SAMD13: variants seen among roughly 807,000 people sequenced by gnomAD.
The protein encoded by SAMD13 is sterile alpha motif domain containing 13.
Under a neutral mutation model 12.4 loss-of-function variants are expected in SAMD13, and 9 were observed. That is an observed-to-expected ratio of 0.72 (90% confidence interval 0.44 to 1.26). The LOEUF (loss-of-function observed/expected upper bound fraction) is 1.26. Among genes scored for constraint, SAMD13 ranks in the 50% most tolerant of loss-of-function variants. SAMD13 has a pLI of 0.00. For missense variants in SAMD13, 84 were observed against 119.6 expected (o/e 0.70, Z 1.39); for synonymous variants, 46 against 45.4 (o/e 1.01, Z -0.05).
chr1:84,339,986 C>A (rs2101817183), intron 3 of SAMD13, among the ~76,000 whole-genome samples: 1 of 152,258 alleles, frequency 6.6e-6, no homozygotes, highest in African/African-American at 2.4e-5. Context: ...TTGTACATTG[C>A]TGGTAGAACT....
At position 84,349,816 on chromosome 1, in the gene SAMD13, G is replaced by A; in HGVS notation, c.*42G>A. Reference sequence around the variant, plus strand: ...TCTTCGACCTCAAAAAATACATAATGACATAATTTAGTTTCATGTAATGAA... The same window carrying A: ...TCTTCGACCTCAAAAAATACATAATAACATAATTTAGTTTCATGTAATGAA... On this transcript the variant is annotated 3_prime_UTR_variant, in exon 4 of 4. Transcript: ENST00000394834. 1.3e-6 allele frequency: 2 copies of A among 1,576,742 alleles called. No homozygotes were observed. Among genetic ancestry groups the A allele is most frequent in the South Asian group, 1.2e-5 (1 of 85,546 alleles).
intron 3 of SAMD13, among the ~76,000 whole-genome samples, chr1:84,342,905 C>G (rs1679460198): frequency 6.6e-6 from 1 of 152,150 alleles, no homozygotes; most frequent in Non-Finnish European, 1.5e-5. Flanking sequence ...AAACTATCAT[C>G]AGAGTGAACA....
intron 2 of SAMD13, among the ~76,000 whole-genome samples, chr1:84,318,233 T>C (rs987937338): frequency 3.3e-5 from 5 of 152,072 alleles, no homozygotes; most frequent in East Asian, 3.9e-4. Context: ...CTTTTTTTAA[T>C]GTAGGTATTT....
chr1:84,314,954 C>T (rs1027528464), intron 2 of SAMD13, among the ~76,000 whole-genome samples: 15 of 151,462 alleles, frequency 9.9e-5, no homozygotes, highest in African/African-American at 3.6e-4. Context: ...CCTTCCTTCC[C>T]TCCCTCCGTC....
intron 2 of SAMD13, among the ~76,000 whole-genome samples, chr1:84,311,883 T>A (rs1678722978): frequency 1.3e-5 from 2 of 152,196 alleles, no homozygotes; most frequent in East Asian, 3.8e-4. Flanking sequence ...AATTAGGAAG[T>A]CTTTTGAGAT....
chr1:84,315,194 G>A (rs1446944436), intron 2 of SAMD13, among the ~76,000 whole-genome samples: 4 of 151,962 alleles, frequency 2.6e-5, no homozygotes, highest in South Asian at 2.1e-4. Context: ...TCGCTAAAAC[G>A]TATCCATCTT....
intron 2 of SAMD13, among the ~76,000 whole-genome samples, chr1:84,315,376 A>G (rs1359580262): frequency 6.6e-6 from 1 of 152,140 alleles, no homozygotes; most frequent in Non-Finnish European, 1.5e-5. Context: ...ACTTAGCACA[A>G]TGTTCTCAAG....
chr1:84,336,066 C>T (rs1402249532), intron 3 of SAMD13, among the ~76,000 whole-genome samples: 4 of 152,120 alleles, frequency 2.6e-5, no homozygotes. Flanking sequence ...GGGCTGTCTG[C>T]ATGTCCTGAA....
chr1:84,317,202 G>T (rs1392134134), intron 2 of SAMD13, among the ~76,000 whole-genome samples: 1 of 151,784 alleles, frequency 6.6e-6, no homozygotes, highest in East Asian at 1.9e-4. Context: ...TTATTTCTTT[G>T]TCTTGCCTAA....
chr1:84,308,298 A>T (rs1486602394), intron 2 of SAMD13, among the ~76,000 whole-genome samples: 3 of 152,196 alleles, frequency 2.0e-5, no homozygotes, highest in Non-Finnish European at 4.4e-5. Flanking sequence ...GCAGAGTTAG[A>T]TTATAATGCA....
At chr1:84,309,847 A>G (rs1308512180) in intron 2 of SAMD13, among the ~76,000 whole-genome samples, 1 of 152,166 alleles carries the variant, frequency 6.6e-6, no homozygotes, top group Non-Finnish European at 1.5e-5. Context: ...AAATGCAAGT[A>G]AAGATTATAA....
At chr1:84,313,784 C>A (rs150181347) in intron 2 of SAMD13, among the ~76,000 whole-genome samples, 37 of 152,146 alleles carry the variant, frequency 2.4e-4, no homozygotes, top group African/African-American at 7.7e-4. Flanking sequence ...TATTCCTCTG[C>A]CTTTGTGTTC....
intron 3 of SAMD13, among the ~76,000 whole-genome samples, chr1:84,327,447 A>G (rs1348181711): frequency 1.3e-5 from 2 of 152,098 alleles, no homozygotes; most frequent in Non-Finnish European, 2.9e-5. Flanking sequence ...TGGGGGTGGA[A>G]AACGACTGGG....
upstream of SAMD13, among the ~76,000 whole-genome samples, chr1:84,301,071 G>C (rs1678445581): frequency 6.6e-6 from 1 of 152,178 alleles, no homozygotes. Flanking sequence ...CATTTGGCAG[G>C]ATAAATGCCA....
upstream of SAMD13, among the ~76,000 whole-genome samples, chr1:84,300,788 C>T (rs1229615679): frequency 6.6e-6 from 1 of 152,106 alleles, no homozygotes; most frequent in East Asian, 1.9e-4. Flanking sequence ...AAGATCTTGC[C>T]CAGCCTCTCT....
chr1:84,329,891 T>C (rs1362054700), intron 3 of SAMD13, among the ~76,000 whole-genome samples: 1 of 152,148 alleles, frequency 6.6e-6, no homozygotes, highest in Non-Finnish European at 1.5e-5. Context: ...GGGTTGCAGT[T>C]GCTCACCATG....
At chr1:84,304,759 C>T (rs1046650059) in intron 2 of SAMD13, among the ~76,000 whole-genome samples, 8 of 151,946 alleles carry the variant, frequency 5.3e-5, no homozygotes, top group African/African-American at 1.9e-4. Flanking sequence ...AATGTGTATA[C>T]ATCCCCCGCC....
At chr1:84,334,954 G>T (rs1377528898) in intron 3 of SAMD13, among the ~76,000 whole-genome samples, 2 of 151,938 alleles carry the variant, frequency 1.3e-5, no homozygotes, top group African/African-American at 4.8e-5. Flanking sequence ...TCTGAGAATT[G>T]TTTTATGCTA....
intron 3 of SAMD13, among the ~76,000 whole-genome samples, chr1:84,347,468 G>T (rs549740647): frequency 2.6e-5 from 4 of 152,310 alleles, no homozygotes; most frequent in African/African-American, 9.6e-5. Flanking sequence ...TGACAGAAAT[G>T]CTGAGTTGTC....
Sources: allele counts gnomAD v4.1 joint callset (sites outside exome capture counted in the v4.1 genomes callset), GRCh38; gene constraint gnomAD v4.1.1; transcripts MANE v1.5; gene names NCBI Gene and HGNC (gene_info 2026-07-23, HGNC 2026-07-21).